The following USP50 variants were observed in gnomAD, a reference collection of about 807,000 sequenced individuals.
USP50 encodes ubiquitin specific peptidase 50.
Under a neutral mutation model 39.2 loss-of-function variants are expected in USP50, and 37 were observed. The observed-to-expected ratio is 0.94, with a 90% CI of 0.73 to 1.24. The LOEUF (loss-of-function observed/expected upper bound fraction) is 1.24. Among genes scored for constraint, USP50 ranks in the 50% most tolerant of loss-of-function variants. The pLI, the probability that USP50 is intolerant of heterozygous loss-of-function variation, is 0.00. For synonymous variants in USP50, 139 were observed against 144.5 expected, an observed-to-expected ratio of 0.96 and a Z score of 0.27; for missense variants, 374 against 398.2, an observed-to-expected ratio of 0.94 and a Z score of 0.52.
intron 3 of USP50, among the ~76,000 whole-genome samples, chr15:50,542,012 A>G (rs1050523700): frequency 6.6e-6 from 1 of 151,566 alleles, no homozygotes; most frequent in Non-Finnish European, 1.5e-5. Context: ...CAGATTGGGA[A>G]ACATAACAAA....
chr15:50,537,114 G>C (rs571438981), intron 5 of USP50, among the ~76,000 whole-genome samples: 6 of 152,140 alleles, frequency 3.9e-5, no homozygotes, highest in Non-Finnish European at 7.4e-5. Flanking sequence ...ATAGACAAGA[G>C]AGCTCAGAAA....
chr15:50,540,372 T>A (rs1033279675), intron 4 of USP50, among the ~76,000 whole-genome samples: 1 of 152,182 alleles, frequency 6.6e-6, no homozygotes, highest in Non-Finnish European at 1.5e-5. Flanking sequence ...ATGTTTTATA[T>A]CTAGTTCCCA....
downstream of USP50, chr15:50,496,971 T>C (rs2052439568): frequency 3.8e-6 from 5 of 1,323,358 alleles, no homozygotes; most frequent in South Asian, 5.9e-5. Flanking sequence ...CAGGAACTCT[T>C]TTGTGTAGAT....
intron 6 of USP50, chr15:50,511,085 A>G (rs1158785942): frequency 6.6e-6 from 1 of 152,092 alleles, no homozygotes; most frequent in Non-Finnish European, 1.5e-5. Flanking sequence ...GCCGATGTAC[A>G]CCAATGTTCT....
downstream of USP50, chr15:50,493,851 G>T: frequency 1.4e-6 from 1 of 689,992 alleles, no homozygotes; most frequent in East Asian, 2.8e-5. Flanking sequence ...TTGATGATGA[G>T]GAGACCATGC....
At chr15:50,494,625 T>C (rs895306249) in intron 1 of USP50, among the ~76,000 whole-genome samples, 8 of 152,248 alleles carry the variant, frequency 5.3e-5, no homozygotes, top group Non-Finnish European at 8.8e-5. Flanking sequence ...GTTTATATAA[T>C]ATGTATATGT....
rs2052819096 is a variant in USP50 at position 50,518,251 on chromosome 15, C to T, written c.936+11546G>A. 5.4e-5 allele frequency among the ~76,000 whole-genome samples: 8 copies of T among 147,526 alleles called. No homozygotes were observed. The South Asian group carries it at 1.1e-3, about 20-fold the overall frequency. On this transcript the variant is annotated intron_variant, in intron 6 of 6. Coordinates refer to ENST00000532404, the MANE Select transcript of USP50 (RefSeq NM_203494.5). Reference sequence around the variant, plus strand: ...TGTTTTTTTTTTTGAGACAGAGTCTCGCTCCATCACCCAGGCTGGAGTGCA... The same window carrying T: ...TGTTTTTTTTTTTGAGACAGAGTCTTGCTCCATCACCCAGGCTGGAGTGCA...
chr15:50,528,715 A>C (rs2052917698), intron 6 of USP50, among the ~76,000 whole-genome samples: 1 of 152,196 alleles, frequency 6.6e-6, no homozygotes, highest in African/African-American at 2.4e-5. Flanking sequence ...AAAACACAAA[A>C]TACAGAACTG....
At chr15:50,526,736 G>A (rs1017372631) in intron 6 of USP50, among the ~76,000 whole-genome samples, 1 of 152,154 alleles carries the variant, frequency 6.6e-6, no homozygotes, top group African/African-American at 2.4e-5. Flanking sequence ...TGTCAGAGAC[G>A]AGAGCAAGAC....
chr15:50,523,866 C>G (rs1295856698), intron 6 of USP50, among the ~76,000 whole-genome samples: 1 of 152,306 alleles, frequency 6.6e-6, no homozygotes, highest in African/African-American at 2.4e-5. Context: ...ATCGCACTCC[C>G]TGATTTCAAA....
At chr15:50,524,438 C>T (rs1363893199) in intron 6 of USP50, among the ~76,000 whole-genome samples, 2 of 152,090 alleles carry the variant, frequency 1.3e-5, no homozygotes, top group Non-Finnish European at 2.9e-5. Context: ...AACAAATAAG[C>T]TGATTTTAAA....
At chr15:50,537,158 A>T (rs938223233) in intron 5 of USP50, among the ~76,000 whole-genome samples, 3 of 152,180 alleles carry the variant, frequency 2.0e-5, no homozygotes, top group Non-Finnish European at 2.9e-5. Flanking sequence ...CTGATCATTG[A>T]CAAAGGAACA....
At chr15:50,526,462 G>C (rs1290614487) in intron 6 of USP50, among the ~76,000 whole-genome samples, 2 of 152,152 alleles carry the variant, frequency 1.3e-5, no homozygotes, top group African/African-American at 2.4e-5. Context: ...ACTCTTTCTA[G>C]AAACCAATGA....
intron 3 of USP50, among the ~76,000 whole-genome samples, chr15:50,542,468 T>G (rs1038938396): frequency 8.6e-5 from 13 of 150,484 alleles, no homozygotes; most frequent in Admixed American, 1.4e-4. Flanking sequence ...TTTTGTTTTT[T>G]TTTTTCCTTT....
intron 6 of USP50, among the ~76,000 whole-genome samples, chr15:50,526,907 T>A (rs2052902509): frequency 1.3e-5 from 2 of 152,246 alleles, no homozygotes; most frequent in Non-Finnish European, 2.9e-5. Flanking sequence ...GATTAAATGG[T>A]TGATTATTTG....
At chr15:50,510,234 C>T (rs1238983637) in intron 6 of USP50, 3 of 152,020 alleles carry the variant, frequency 2.0e-5, no homozygotes, top group Admixed American at 1.3e-4. Flanking sequence ...CTAATTTATA[C>T]TACATTTTTG....
chr15:50,493,448 T>A (rs951772305), downstream of USP50: 1 of 518,928 alleles, frequency 1.9e-6, no homozygotes, highest in East Asian at 5.4e-5. Context: ...GGGGAAAATA[T>A]CTTTATCCTT....
At chr15:50,523,947 T>C (rs1477484488) in intron 6 of USP50, among the ~76,000 whole-genome samples, 1 of 152,188 alleles carries the variant, frequency 6.6e-6, no homozygotes, top group Non-Finnish European at 1.5e-5. Flanking sequence ...TGTAGACCAG[T>C]GGAACAGGAT....
At chr15:50,511,978 A>C (rs1436725481) in intron 6 of USP50, 1 of 152,246 alleles carries the variant, frequency 6.6e-6, no homozygotes, top group Non-Finnish European at 1.5e-5. Context: ...AGCCTGAGCA[A>C]GAGTGAGATA....
Sources: gnomAD v4.1 joint callset for allele counts (sites outside exome capture counted in the v4.1 genomes callset) on GRCh38, gnomAD v4.1.1 for gene constraint, MANE v1.5 for transcripts, NCBI Gene and HGNC (gene_info 2026-07-23, HGNC 2026-07-21) for gene names.